Variants in DENND2D observed in about 807,000 individuals in gnomAD.
DENND2D encodes DENN domain-containing protein 2D.
A neutral mutation model predicts 59.8 loss-of-function variants in DENND2D; 37 were observed. The ratio of observed to expected loss-of-function variants is 0.62; its 90% confidence interval spans 0.48 to 0.81. The LOEUF is 0.81. Ranked by LOEUF, DENND2D falls within the 40% of genes least tolerant of loss-of-function variation. The pLI is 0.00. For synonymous variants in DENND2D, 219 were observed against 211.3 expected (o/e 1.04, Z -0.31); for missense variants, 525 against 579.7 (o/e 0.91, Z 0.97).
In DENND2D at chr1:111,188,254, C is replaced by G; in HGVS notation, c.1216G>C (p.Glu406Gln). Residue 406 changes from glutamate to glutamine, a missense_variant, in exon 11 of 12, where the codon GAA becomes CAA. Physicochemically the swap from Glu to Gln is conservative, Grantham distance 29. This residue lies in a region of DENND2D where 225 missense variants were observed against 252.4 expected (regional missense o/e 0.89). Transcript: ENST00000357640. Reference sequence around the variant, plus strand: ...GTCAGAGCCTTACAGAAGGATCTTTCTTGGAAGTGGCCTTGCCCATTTGCC... The same window carrying G: ...GTCAGAGCCTTACAGAAGGATCTTTGTTGGAAGTGGCCTTGCCCATTTGCC... ...REANGQGHFQ[E>Q]RSFCKALTSK... 1 of 1,614,184 alleles carries G rather than the reference C, an allele frequency of 6.2e-7. No individual in the cohort carries two copies. Among genetic ancestry groups the G allele is most frequent in the East Asian group, 2.2e-5 (1 of 44,880 alleles).
At chr1:111,204,265 T>G, upstream of DENND2D, 1 of 1,452,424 alleles carries the variant, frequency 6.9e-7, no homozygotes, top group Non-Finnish European at 9.0e-7. Context: ...GCCCACGCCG[T>G]CCCCCCGCGC....
intron 8 of DENND2D, among the ~76,000 whole-genome samples, chr1:111,190,648 C>CAAATCATG (rs1657685789): frequency 6.6e-6 from 1 of 152,180 alleles, no homozygotes; most frequent in Admixed American, 6.5e-5. Context: ...CGTAACTTCC[C>CAAATCATG]AAATCATGTA....
chr1:111,197,969 A>G lies in DENND2D; in HGVS notation c.377T>C (p.Leu126Pro), dbSNP rs1658408033. The G allele has an allele frequency of 6.2e-7, 1 of 1,614,040 alleles. No homozygotes were observed. The highest frequency in any genetic ancestry group is 1.7e-5 in the Admixed American group (1 of 60,008). The change falls in exon 4 of 12, where the codon CTG becomes CCG. Residue 126 changes from leucine (L) to proline (P), a missense_variant. Around this residue, in one of 3 missense-constraint regions of DENND2D, gnomAD observed 253 missense variants for 246.4 expected, o/e 1.03. Transcript: ENST00000357640. ...CTTTCTGCTCCCATCCACATTGGTC[A>G]GAACGAAGGAGAAGGTCTCCCTAAG... ...EYPRETFSFV[L>P]TNVDGSRKIG...
chr1:111,197,354 T>A, intron 4 of DENND2D, 101 bp from the exon 5 acceptor site: 1 of 1,524,890 alleles, frequency 6.6e-7, no homozygotes, highest in African/African-American at 1.4e-5. Flanking sequence ...GGGAGGGGGA[T>A]TTATGGGGAA....
upstream of DENND2D, among the ~76,000 whole-genome samples, chr1:111,203,022 A>G (rs1658964143): frequency 6.6e-6 from 1 of 152,212 alleles, no homozygotes; most frequent in Non-Finnish European, 1.5e-5. Flanking sequence ...AGACCAGGAC[A>G]GACCAGGCCA....
chr1:111,190,346 C>G (rs144252489), intron 8 of DENND2D, among the ~76,000 whole-genome samples: 7 of 152,240 alleles, frequency 4.6e-5, no homozygotes, highest in African/African-American at 1.4e-4. Flanking sequence ...AGTTTTAGCA[C>G]TGGCCCCATC....
chr1:111,198,281 GTCAAAT>G (rs1658441680), intron 3 of DENND2D, among the ~76,000 whole-genome samples: 1 of 152,240 alleles, frequency 6.6e-6, no homozygotes, highest in African/African-American at 2.4e-5. Context: ...AGCTCAAGCA[GTCAAAT>G]TCCAGGGCTC....
chr1:111,197,476 C>G (rs1429380763), intron 4 of DENND2D: 3 of 1,415,836 alleles, frequency 2.1e-6, no homozygotes, highest in Non-Finnish European at 2.8e-6. Flanking sequence ...CCAGCACAAT[C>G]TGGGGTCAGC....
intron 8 of DENND2D, among the ~76,000 whole-genome samples, chr1:111,191,529 T>C (rs967106965): frequency 7.2e-5 from 11 of 152,338 alleles, no homozygotes; most frequent in Admixed American, 5.9e-4. Flanking sequence ...TTAATGCCCA[T>C]TTTCACAACT....
chr1:111,194,219 G>A (rs1417554183), intron 7 of DENND2D, among the ~76,000 whole-genome samples: 1 of 152,178 alleles, frequency 6.6e-6, no homozygotes, highest in African/African-American at 2.4e-5. Context: ...ATAAATGTTT[G>A]TTGAATGAGT....
chr1:111,186,501 CA>C lies in DENND2D; in HGVS notation c.*1103del, dbSNP rs1197774944. On this transcript the variant is annotated 3_prime_UTR_variant, in exon 12 of 12. Coordinates refer to ENST00000357640, the MANE Select transcript of DENND2D (RefSeq NM_024901.5). ...ATAGAATTTAGGAACTTCTGAGGGCCACAAATACACACATTAAAAAAGGTAG... is the reference window on the plus strand; with the variant it reads ...ATAGAATTTAGGAACTTCTGAGGGCCCAAATACACACATTAAAAAAGGTAG... 6.6e-6 allele frequency among the ~76,000 whole-genome samples: 1 copy of C among 152,024 alleles called. No homozygotes were observed. Among genetic ancestry groups the C allele is most frequent in the Non-Finnish European group, 1.5e-5 (1 of 67,984 alleles).
intron 10 of DENND2D, 25 bp from the exon 11 acceptor site, chr1:111,188,395 CAG>C (rs1657421647): frequency 2.5e-6 from 4 of 1,605,420 alleles, no homozygotes; most frequent in Non-Finnish European, 8.5e-7. Context: ...AAGGCCATCT[CAG>C]AGGGTAGCAG....
At chr1:111,200,212 C>T (rs752544840) in intron 1 of DENND2D, 181 bp downstream of exon 1, 2 of 741,544 alleles carry the variant, frequency 2.7e-6, no homozygotes, top group Non-Finnish European at 4.4e-6. Flanking sequence ...CCACACTAGC[C>T]CCAGAGAGGG....
upstream of DENND2D, chr1:111,204,181 T>C: frequency 9.6e-7 from 1 of 1,046,566 alleles, no homozygotes; most frequent in Non-Finnish European, 1.2e-6. Context: ...CCCTTCCAAC[T>C]GCTCCCGGAT....
intron 4 of DENND2D, chr1:111,197,472 C>T (rs1658354796): frequency 6.3e-6 from 9 of 1,417,492 alleles, no homozygotes; most frequent in South Asian, 4.6e-5. Context: ...AGTGCCAGCA[C>T]AATCTGGGGT....
chr1:111,198,766 G>A, intron 2 of DENND2D, 24 bp from the exon 3 acceptor site: 2 of 1,612,924 alleles, frequency 1.2e-6, no homozygotes, highest in South Asian at 2.2e-5. Flanking sequence ...GAAAAGACAA[G>A]TGGATGTGAA....
Position 111,186,544 on chromosome 1 carries a change from A to T in DENND2D, c.*1061T>A, listed in dbSNP as rs1239662418. Among the ~76,000 whole-genome samples the T allele has an allele frequency of 6.6e-6, 1 of 152,226 alleles. No homozygotes were observed. Among genetic ancestry groups the T allele is most frequent in the African/African-American group, 2.4e-5 (1 of 41,460 alleles). On this transcript the variant is annotated 3_prime_UTR_variant, in exon 12 of 12. Coordinates refer to ENST00000357640, the MANE Select transcript of DENND2D (RefSeq NM_024901.5). ...AAAAGGTAGAATTTTTGAAGATAAG[A>T]TTCTTCTAAAAAAGCTTCCCAATGC...
chr1:111,196,729 C>A (rs914959605), intron 5 of DENND2D: 1 of 172,870 alleles, frequency 5.8e-6, no homozygotes, highest in African/African-American at 2.4e-5. Context: ...TGTTCTTCTA[C>A]CCTTGAAGGA....
chr1:111,199,982 T>C (rs1042827440), intron 1 of DENND2D, 184 bp from the exon 2 acceptor site: 1 of 701,550 alleles, frequency 1.4e-6, no homozygotes, highest in South Asian at 2.1e-5. Flanking sequence ...ACACCTGCCC[T>C]GGTAGACTTG....
Sources: gnomAD v4.1 joint callset for allele counts (sites outside exome capture counted in the v4.1 genomes callset) on GRCh38, gnomAD v4.1.1 for gene constraint, gnomAD v4.1.1 regional missense constraint, MANE v1.5 for transcripts, NCBI Gene and HGNC (gene_info 2026-07-23, HGNC 2026-07-21) for gene names.